Variants in DCAF6 observed in about 807,000 individuals in gnomAD.
DCAF6 encodes the protein DDB1 and CUL4 associated factor 6.
In DCAF6, 54 loss-of-function variants were observed where a neutral mutation model predicts 125.1. The observed-to-expected ratio is 0.43, with a 90% confidence interval of 0.35 to 0.54. The LOEUF (loss-of-function observed/expected upper bound fraction) is 0.54. Among genes scored for constraint, DCAF6 ranks in the 20% least tolerant of loss-of-function variants. The probability of loss-of-function intolerance (pLI) is 0.01; values close to 1 mark genes in which losing one functional copy is unlikely to be tolerated. For synonymous variants in DCAF6, 371 were observed against 390.4 expected, an observed-to-expected ratio of 0.95 and a Z score of 0.58; for missense variants, 934 against 1,161.7, an observed-to-expected ratio of 0.80 and a Z score of 2.85.
intron 5 of DCAF6, among the ~76,000 whole-genome samples, chr1:167,988,653 C>CA (rs35980143): frequency 0.011 from 1,613 of 143,360 alleles, 26 homozygotes; most frequent in African/African-American, 0.038. Context: ...CTGAAAGTTA[C>CA]AAAAAAAAAA....
intron 13 of DCAF6, among the ~76,000 whole-genome samples, chr1:168,042,025 A>G (rs1057071503): frequency 2.0e-5 from 3 of 151,878 alleles, no homozygotes; most frequent in Admixed American, 6.6e-5. Context: ...CTCTGCATAT[A>G]TACACCCATA....
the DCAF6 span, among the ~76,000 whole-genome samples, chr1:167,913,571 C>T: frequency 1.7e-3 from 254 of 152,290 alleles, no homozygotes; most frequent in African/African-American, 5.9e-3. Flanking sequence ...TGAATTGCTT[C>T]TATTTTGTCT....
At chr1:167,877,787 G>A in the DCAF6 span, among the ~76,000 whole-genome samples, 5 of 152,310 alleles carry the variant, frequency 3.3e-5, no homozygotes, top group South Asian at 2.1e-4. Flanking sequence ...TGAATCCCTC[G>A]AGCTGGGTTT....
At chr1:167,995,204 T>A (rs1417556820) in intron 7 of DCAF6, among the ~76,000 whole-genome samples, 3 of 152,170 alleles carry the variant, frequency 2.0e-5, no homozygotes, top group African/African-American at 7.2e-5. Context: ...GAGTTGGAAG[T>A]CCATAGACAT....
At chr1:167,900,551 A>G in the DCAF6 span, among the ~76,000 whole-genome samples, 1 of 150,304 alleles carries the variant, frequency 6.7e-6, no homozygotes, top group East Asian at 1.9e-4. Flanking sequence ...TTTTTTTTTG[A>G]GATGGAGTTT....
At chr1:167,875,937 A>G in the DCAF6 span, among the ~76,000 whole-genome samples, 1 of 151,532 alleles carries the variant, frequency 6.6e-6, no homozygotes, top group African/African-American at 2.4e-5. Flanking sequence ...TGGGCAGCAG[A>G]GCCAGACTCC....
At chr1:168,066,765 A>C (rs1324835403) in intron 20 of DCAF6, among the ~76,000 whole-genome samples, 2 of 152,218 alleles carry the variant, frequency 1.3e-5, no homozygotes, top group Non-Finnish European at 2.9e-5. Context: ...ATCACACACA[A>C]AAAAATCTGT....
At chr1:168,033,334 A>G (rs1401018243) in intron 12 of DCAF6, among the ~76,000 whole-genome samples, 3 of 117,132 alleles carry the variant, frequency 2.6e-5, no homozygotes, top group African/African-American at 3.5e-5. Context: ...TTTGAGACGG[A>G]GTCTCGCTCT....
the DCAF6 span, chr1:167,870,432 A>G: frequency 8.8e-6 from 14 of 1,586,658 alleles, no homozygotes; most frequent in East Asian, 2.9e-4. Flanking sequence ...AGTTTTAAAA[A>G]AGAGCAAACT....
At chr1:167,986,588 T>C (rs544703953) in intron 4 of DCAF6, among the ~76,000 whole-genome samples, 4 of 152,358 alleles carry the variant, frequency 2.6e-5, no homozygotes, top group Admixed American at 1.3e-4. Flanking sequence ...AAAACTGTTA[T>C]ACCTCAGATC....
At chr1:167,938,425 A>G (rs545789665) in intron 1 of DCAF6, among the ~76,000 whole-genome samples, 1 of 152,364 alleles carries the variant, frequency 6.6e-6, no homozygotes, top group East Asian at 1.9e-4. Context: ...ATGAAGTACC[A>G]TAGGGTACTC....
At chr1:168,055,877 C>T (rs1690661407) in intron 17 of DCAF6, 8 of 1,383,350 alleles carry the variant, frequency 5.8e-6, no homozygotes, top group Admixed American at 1.7e-5. Flanking sequence ...TTATTTCATA[C>T]TAGTTTATTT....
the DCAF6 span, among the ~76,000 whole-genome samples, chr1:167,864,498 A>G: frequency 1.1e-4 from 16 of 152,114 alleles, no homozygotes; most frequent in South Asian, 2.1e-4. Context: ...TACGTAGACA[A>G]TTACAGCTGG....
the DCAF6 span, among the ~76,000 whole-genome samples, chr1:167,887,962 A>C: frequency 6.6e-6 from 1 of 152,166 alleles, no homozygotes; most frequent in Non-Finnish European, 1.5e-5. Context: ...TTTTGTATAT[A>C]GCAAGAGATA....
At chr1:167,979,685 A>G (rs1678807581) in intron 4 of DCAF6, among the ~76,000 whole-genome samples, 1 of 151,912 alleles carries the variant, frequency 6.6e-6, no homozygotes, top group Non-Finnish European at 1.5e-5. Flanking sequence ...TTAGGAGTTC[A>G]AGACCAGCCT....
the DCAF6 span, chr1:167,899,343 G>T: frequency 7.2e-7 from 1 of 1,398,092 alleles, no homozygotes; most frequent in African/African-American, 1.4e-5. Flanking sequence ...TATGAAACCA[G>T]CGTGCCCAGT....
chr1:168,028,850 G>A (rs1686686712), intron 12 of DCAF6, among the ~76,000 whole-genome samples: 1 of 151,936 alleles, frequency 6.6e-6, no homozygotes, highest in African/African-American at 2.4e-5. Context: ...TAAATATCTA[G>A]TGATTGAAGC....
the DCAF6 span, among the ~76,000 whole-genome samples, chr1:167,928,261 T>G: frequency 1.4e-5 from 2 of 146,304 alleles, no homozygotes; most frequent in East Asian, 2.0e-4. Context: ...GGCAGGAGAA[T>G]GGCGTGAAGC....
intron 7 of DCAF6, among the ~76,000 whole-genome samples, chr1:167,993,871 T>TAA (rs932255787): frequency 2.0e-5 from 3 of 152,102 alleles, no homozygotes; most frequent in African/African-American, 7.2e-5. Context: ...TCAAGGCACT[T>TAA]ACAGTTCAGA....
Sources: allele counts gnomAD v4.1 joint callset (sites outside exome capture counted in the v4.1 genomes callset), GRCh38; gene constraint gnomAD v4.1.1; transcripts MANE v1.5; gene names NCBI Gene and HGNC (gene_info 2026-07-23, HGNC 2026-07-21).